Variants in SHISA9 observed in about 807,000 individuals in gnomAD.
SHISA9 encodes the protein shisa family member 9, also known as protein shisa-9.
SHISA9 carries 13 observed loss-of-function variants against 38.0 expected under a neutral mutation model. The ratio of observed to expected loss-of-function variants is 0.34; its 90% CI spans 0.22 to 0.54. The LOEUF (loss-of-function observed/expected upper bound fraction) is 0.54, where lower values mean the gene tolerates loss of function less well. SHISA9 is among the 20% of genes least tolerant of loss of function. The pLI, the probability that SHISA9 is intolerant of heterozygous loss-of-function variation, is 0.91. For missense variants in SHISA9, 538 were observed against 575.8 expected (o/e 0.93, Z 0.67); for synonymous variants, 275 against 242.0 (o/e 1.14, Z -1.27).
At chr16:13,275,624 C>G in the SHISA9 span, among the ~76,000 whole-genome samples, 1 of 152,012 alleles carries the variant, frequency 6.6e-6, no homozygotes, top group South Asian at 2.1e-4. Context: ...GTATATATCC[C>G]TCTTCTCTAT....
chr16:13,357,081 C>T, the SHISA9 span, among the ~76,000 whole-genome samples: 17 of 151,692 alleles, frequency 1.1e-4, no homozygotes, highest in Middle Eastern at 3.4e-3. Context: ...AGTAGAGACA[C>T]GGAGAAGGGG....
At chr16:13,456,895 A>T in the SHISA9 span, among the ~76,000 whole-genome samples, 1 of 138,002 alleles carries the variant, frequency 7.2e-6, no homozygotes, top group Middle Eastern at 3.3e-3. Flanking sequence ...CCATGACTCC[A>T]TGGGGAAAGG....
At chr16:13,390,179 T>C in the SHISA9 span, among the ~76,000 whole-genome samples, 10 of 152,154 alleles carry the variant, frequency 6.6e-5, no homozygotes, top group African/African-American at 2.4e-4. Context: ...TTTCTCTCTC[T>C]CTTTTTATAA....
intron 2 of SHISA9, among the ~76,000 whole-genome samples, chr16:13,068,865 ATGTG>A (rs2073466567): frequency 7.6e-6 from 1 of 131,030 alleles, no homozygotes; most frequent in South Asian, 2.2e-4. Context: ...CATACATGCA[ATGTG>A]TGTATGTGTA....
chr16:12,967,009 C>T (rs2071988416), intron 2 of SHISA9, among the ~76,000 whole-genome samples: 1 of 152,096 alleles, frequency 6.6e-6, no homozygotes, highest in Non-Finnish European at 1.5e-5. Context: ...AAGACATGGT[C>T]CTGTTCTAGA....
At chr16:13,376,159 C>T in the SHISA9 span, among the ~76,000 whole-genome samples, 12 of 152,312 alleles carry the variant, frequency 7.9e-5, no homozygotes, top group Admixed American at 5.2e-4. Flanking sequence ...AATTGTTCCA[C>T]ATCATTTTGG....
the SHISA9 span, among the ~76,000 whole-genome samples, chr16:13,357,276 A>T: frequency 6.6e-6 from 1 of 152,202 alleles, no homozygotes; most frequent in Non-Finnish European, 1.5e-5. Context: ...GGGTTCACGG[A>T]TAAAACATGT....
chr16:13,221,194 C>G (rs2051221477), intron 4 of SHISA9, among the ~76,000 whole-genome samples: 1 of 152,194 alleles, frequency 6.6e-6, no homozygotes, highest in Non-Finnish European at 1.5e-5. Flanking sequence ...ATGCCCCGTG[C>G]TTCTTTAGGA....
chr16:13,137,272 C>T (rs1489807837), intron 2 of SHISA9, among the ~76,000 whole-genome samples: 1 of 152,030 alleles, frequency 6.6e-6, no homozygotes, highest in African/African-American at 2.4e-5. Flanking sequence ...CCTAATACGG[C>T]AGTAGTGATT....
chr16:13,369,493 A>T, the SHISA9 span, among the ~76,000 whole-genome samples: 1 of 152,128 alleles, frequency 6.6e-6, no homozygotes, highest in Non-Finnish European at 1.5e-5. Context: ...AGTTAGGTTT[A>T]TAAGTGTGGG....
the SHISA9 span, among the ~76,000 whole-genome samples, chr16:13,521,857 C>T: frequency 3.4e-4 from 51 of 152,228 alleles, no homozygotes; most frequent in South Asian, 9.8e-3. Flanking sequence ...ATTTAACAAA[C>T]CTTTGAAATG....
the SHISA9 span, among the ~76,000 whole-genome samples, chr16:13,471,576 C>T: frequency 2.6e-5 from 4 of 152,198 alleles, no homozygotes; most frequent in South Asian, 8.3e-4. Flanking sequence ...GCAGTGACAA[C>T]CTTGGAATGC....
At chr16:12,962,618 T>C (rs2071925861) in intron 2 of SHISA9, among the ~76,000 whole-genome samples, 1 of 152,218 alleles carries the variant, frequency 6.6e-6, no homozygotes, top group Non-Finnish European at 1.5e-5. Flanking sequence ...AGGTGTCATC[T>C]GCAAAACAGG....
chr16:13,005,864 G>GT (rs2072591541), intron 2 of SHISA9, among the ~76,000 whole-genome samples: 1 of 152,210 alleles, frequency 6.6e-6, no homozygotes, highest in Non-Finnish European at 1.5e-5. Flanking sequence ...ACTGTTGCCT[G>GT]TTTAGAAAGG....
chr16:13,030,267 C>T (rs769350838), intron 2 of SHISA9, among the ~76,000 whole-genome samples: 3 of 152,166 alleles, frequency 2.0e-5, no homozygotes, highest in Non-Finnish European at 4.4e-5. Context: ...CTTTCTCTGA[C>T]ATGCTGCTCT....
At chr16:13,031,701 A>G (rs1258530357) in intron 2 of SHISA9, among the ~76,000 whole-genome samples, 2 of 152,178 alleles carry the variant, frequency 1.3e-5, no homozygotes, top group African/African-American at 2.4e-5. Flanking sequence ...TAATATCTAT[A>G]TCACGAGGTT....
At chr16:13,488,247 CAAA>C in the SHISA9 span, among the ~76,000 whole-genome samples, 1 of 118,910 alleles carries the variant, frequency 8.4e-6, no homozygotes. Flanking sequence ...CCTCAAAATG[CAAA>C]AAAAAAAAAA....
chr16:13,492,978 T>A, the SHISA9 span, among the ~76,000 whole-genome samples: 2 of 151,934 alleles, frequency 1.3e-5, no homozygotes, highest in Non-Finnish European at 2.9e-5. Flanking sequence ...AGAGATGAGA[T>A]TGGAGAGATA....
At chr16:13,359,839 A>C in the SHISA9 span, among the ~76,000 whole-genome samples, 1 of 152,176 alleles carries the variant, frequency 6.6e-6, no homozygotes, top group Non-Finnish European at 1.5e-5. Flanking sequence ...CACACACATC[A>C]AGTTAGATAA....
Sources: gnomAD v4.1 joint callset for allele counts (sites outside exome capture counted in the v4.1 genomes callset) on GRCh38, gnomAD v4.1.1 for gene constraint, MANE v1.5 for transcripts, NCBI Gene and HGNC (gene_info 2026-07-23, HGNC 2026-07-21) for gene names.